Variants in UNC13C observed in about 807,000 individuals in gnomAD.
UNC13C encodes the protein protein unc-13 homolog C.
Under a neutral mutation model 245.4 loss-of-function variants are expected in UNC13C, and 174 were observed. The observed-to-expected ratio is 0.71, with a 90% CI of 0.63 to 0.80. UNC13C has a LOEUF of 0.80. Ranked by LOEUF, UNC13C falls within the 30% of genes least tolerant of loss-of-function variation. The probability of loss-of-function intolerance (pLI) is 0.00; values close to 1 mark genes in which losing one functional copy is unlikely to be tolerated. For synonymous variants in UNC13C, 992 were observed against 895.1 expected (o/e 1.11, Z -1.93); for missense variants, 2,829 against 2,602.9 (o/e 1.09, Z -1.89).
the UNC13C span, among the ~76,000 whole-genome samples, chr15:53,900,923 T>C: frequency 3.9e-5 from 6 of 152,298 alleles, no homozygotes; most frequent in South Asian, 2.1e-4. Flanking sequence ...TCATTTTTTT[T>C]CCCTCCTTTT....
chr15:54,486,250 A>AACAC (rs59221050), intron 19 of UNC13C, among the ~76,000 whole-genome samples: 30,565 of 131,718 alleles, frequency 0.23, 3,705 homozygotes, highest in African/African-American at 0.27. Flanking sequence ...GATCTATTAA[A>AACAC]ACACACACAC....
intron 4 of UNC13C, among the ~76,000 whole-genome samples, chr15:54,232,950 G>C (rs1340365195): frequency 6.6e-6 from 1 of 152,104 alleles, no homozygotes; most frequent in Non-Finnish European, 1.5e-5. Context: ...GAATTGGCAG[G>C]GGGTGGGAAG....
chr15:54,179,704 T>C (rs2033733939), intron 4 of UNC13C, among the ~76,000 whole-genome samples: 1 of 152,040 alleles, frequency 6.6e-6, no homozygotes, highest in Non-Finnish European at 1.5e-5. Flanking sequence ...AGGAAATCAA[T>C]ATTTAAAAAC....
intron 26 of UNC13C, among the ~76,000 whole-genome samples, chr15:54,535,283 A>G (rs1407844338): frequency 6.6e-6 from 1 of 152,192 alleles, no homozygotes; most frequent in Non-Finnish European, 1.5e-5. Flanking sequence ...ATATCATTAT[A>G]TAATGATAAA....
chr15:54,541,007 A>G (rs1045854425), intron 26 of UNC13C, among the ~76,000 whole-genome samples: 2 of 152,010 alleles, frequency 1.3e-5, no homozygotes, highest in South Asian at 2.1e-4. Flanking sequence ...TTTGTACCCT[A>G]TGTCCATGCC....
intron 2 of UNC13C, among the ~76,000 whole-genome samples, chr15:54,096,929 C>G (rs1897013): frequency 0.79 from 120,047 of 152,106 alleles, 47,946 homozygotes; most frequent in Non-Finnish European, 0.86. Context: ...AGGATATCGA[C>G]CTTAAATGGG....
At chr15:54,447,020 A>C (rs557861697) in intron 19 of UNC13C, among the ~76,000 whole-genome samples, 1 of 152,220 alleles carries the variant, frequency 6.6e-6, no homozygotes, top group East Asian at 1.9e-4. Flanking sequence ...AATTTTGTCA[A>C]AGGCCTTTTC....
chr15:54,118,902 G>GTTT (rs3082226), intron 2 of UNC13C, among the ~76,000 whole-genome samples: 4 of 140,864 alleles, frequency 2.8e-5, no homozygotes, highest in African/African-American at 1.0e-4. Context: ...TGATCTTACG[G>GTTT]TTTTTTTTTT....
At chr15:54,134,004 T>A (rs935045398) in intron 2 of UNC13C, among the ~76,000 whole-genome samples, 13 of 152,010 alleles carry the variant, frequency 8.6e-5, no homozygotes, top group Non-Finnish European at 1.5e-4. Flanking sequence ...GTGAAATGAT[T>A]ACCACAATAA....
intron 1 of UNC13C, among the ~76,000 whole-genome samples, chr15:53,987,828 T>G (rs1261900753): frequency 6.6e-6 from 1 of 152,100 alleles, no homozygotes. Context: ...TGTTCTTTCC[T>G]GATTGAGAGA....
intron 17 of UNC13C, among the ~76,000 whole-genome samples, chr15:54,357,951 A>G (rs1018745043): frequency 2.0e-5 from 3 of 152,104 alleles, no homozygotes; most frequent in African/African-American, 7.2e-5. Context: ...AGCCAGTGAG[A>G]CTTGCCTGTA....
the UNC13C span, among the ~76,000 whole-genome samples, chr15:53,883,065 A>T: frequency 6.6e-6 from 1 of 152,182 alleles, no homozygotes; most frequent in African/African-American, 2.4e-5. Flanking sequence ...AAAAAAGTTA[A>T]AGGAAAAAAT....
chr15:54,562,237 G>A (rs1024092694), intron 29 of UNC13C, among the ~76,000 whole-genome samples: 1 of 152,012 alleles, frequency 6.6e-6, no homozygotes, highest in African/African-American at 2.4e-5. Flanking sequence ...CTTCCAGTTA[G>A]AGTAATCACC....
At chr15:54,217,195 G>A (rs2035068057) in intron 4 of UNC13C, among the ~76,000 whole-genome samples, 1 of 151,752 alleles carries the variant, frequency 6.6e-6, no homozygotes, top group South Asian at 2.1e-4. Flanking sequence ...AGATATTAGG[G>A]TTCATAGAAA....
intron 10 of UNC13C, among the ~76,000 whole-genome samples, chr15:54,289,503 G>A (rs2037236682): frequency 6.6e-6 from 1 of 151,998 alleles, no homozygotes; most frequent in African/African-American, 2.4e-5. Flanking sequence ...TATGTTTTTA[G>A]ACTCTGTTAC....
chr15:54,473,565 C>A (rs1344824649), intron 19 of UNC13C, among the ~76,000 whole-genome samples: 1 of 151,730 alleles, frequency 6.6e-6, no homozygotes, highest in Admixed American at 6.6e-5. Flanking sequence ...TCCATGAAAT[C>A]AGCGATTTTA....
intron 12 of UNC13C, among the ~76,000 whole-genome samples, chr15:54,298,348 G>C (rs2037490671): frequency 6.6e-6 from 1 of 152,188 alleles, no homozygotes. Flanking sequence ...CTCCGAGTTA[G>C]AGTTCAGATT....
intron 2 of UNC13C, among the ~76,000 whole-genome samples, chr15:54,108,754 AG>A (rs1333481010): frequency 6.6e-6 from 1 of 152,180 alleles, no homozygotes; most frequent in African/African-American, 2.4e-5. Flanking sequence ...TTTGGAAAAT[AG>A]GGGAGATAAA....
intron 2 of UNC13C, among the ~76,000 whole-genome samples, chr15:54,033,408 T>A (rs998434929): frequency 1.2e-4 from 19 of 152,182 alleles, no homozygotes; most frequent in Non-Finnish European, 4.4e-5. Context: ...AATTTTTGGA[T>A]TATTTTGCTA....
Sources: gnomAD v4.1 joint callset for allele counts (sites outside exome capture counted in the v4.1 genomes callset) on GRCh38, gnomAD v4.1.1 for gene constraint, MANE v1.5 for transcripts, NCBI Gene and HGNC (gene_info 2026-07-23, HGNC 2026-07-21) for gene names.